Variants in LPA observed in about 807,000 individuals in gnomAD.
The protein encoded by LPA is lipoprotein(a), also known as apolipoprotein(a).
A neutral mutation model predicts 197.9 loss-of-function variants in LPA; 199 were observed. The ratio of observed to expected loss-of-function variants is 1.01; its 90% confidence interval spans 0.90 to 1.13. The LOEUF (loss-of-function observed/expected upper bound fraction) is 1.13. Ranked by LOEUF, LPA falls within the 50% of genes most tolerant of loss-of-function variation. The pLI is 0.00. For missense variants in LPA, 1,853 were observed against 1,785.8 expected (o/e 1.04, Z -0.68); for synonymous variants, 715 against 639.5 (o/e 1.12, Z -1.78).
intron 16 of LPA, among the ~76,000 whole-genome samples, chr6:160,609,780 T>A (rs968952162): frequency 6.6e-6 from 1 of 151,970 alleles, no homozygotes; most frequent in Non-Finnish European, 1.5e-5. Context: ...TGTGTTTGTG[T>A]GTGTGTTAGA....
At chr6:160,621,055 CTTTAA>C (rs1172267413) in intron 12 of LPA, among the ~76,000 whole-genome samples, 7 of 109,138 alleles carry the variant, frequency 6.4e-5, no homozygotes, top group East Asian at 2.7e-4. Context: ...TATACTACCT[CTTTAA>C]TTTAATTTGG....
rs1779803508 is a variant in LPA, at chr6:160,635,647, G to A, written c.894-343C>T. 8.1e-5 allele frequency among the ~76,000 whole-genome samples: 10 copies of A among 123,984 alleles called. 4 individuals are homozygous for A. The highest frequency in any genetic ancestry group is 1.7e-4 in the Non-Finnish European group (10 of 57,846). 81.3% of individuals were successfully genotyped at this position (123,984 alleles called of 152,430 possible). On this transcript the variant is annotated intron_variant, in intron 6 of 38. Transcript: ENST00000316300. ...CCATCTCTCTGGAATAACTGGTATGGGTTTTGACGTCTGTATTGTGGGATT... is the reference window on the plus strand; with the variant it reads ...CCATCTCTCTGGAATAACTGGTATGAGTTTTGACGTCTGTATTGTGGGATT...
chr6:160,570,989 A>G (rs1344097576), intron 28 of LPA, among the ~76,000 whole-genome samples: 3 of 152,152 alleles, frequency 2.0e-5, no homozygotes, highest in Non-Finnish European at 4.4e-5. Context: ...CCATTCTCCC[A>G]TCACTTTCAG....
chr6:160,537,142 G>A (rs1466426058), intron 37 of LPA, among the ~76,000 whole-genome samples: 3 of 152,148 alleles, frequency 2.0e-5, no homozygotes, highest in Non-Finnish European at 2.9e-5. Flanking sequence ...CTGCCAAGGG[G>A]GTAAGGCTGA....
At chr6:160,610,866 T>A (rs1270633363) in intron 16 of LPA, among the ~76,000 whole-genome samples, 1 of 152,190 alleles carries the variant, frequency 6.6e-6, no homozygotes, top group Non-Finnish European at 1.5e-5. Context: ...CTCTACCATC[T>A]GTTGTCCCAC....
intron 8 of LPA, among the ~76,000 whole-genome samples, chr6:160,632,020 G>C (rs1779697303): frequency 6.9e-6 from 1 of 145,734 alleles, no homozygotes. Context: ...GTGTGTGTGT[G>C]TGTAGCTCAT....
chr6:160,655,906 A>C (rs1448017203), intron 1 of LPA, among the ~76,000 whole-genome samples: 1 of 152,178 alleles, frequency 6.6e-6, no homozygotes, highest in East Asian at 1.9e-4. Flanking sequence ...CCCCTGAGGT[A>C]GGGTGGTAAA....
intron 2 of LPA, among the ~76,000 whole-genome samples, chr6:160,648,953 G>A (rs1196309118): frequency 1.3e-5 from 2 of 152,208 alleles, no homozygotes; most frequent in African/African-American, 4.8e-5. Context: ...AGGTTTCTAT[G>A]TGTAGTCAAG....
intron 1 of LPA, among the ~76,000 whole-genome samples, chr6:160,653,408 C>A (rs1406889): frequency 0.81 from 123,389 of 152,030 alleles, 50,910 homozygotes; most frequent in African/African-American, 0.95. Context: ...CCAGCAACCA[C>A]CTTCACCTAA....
At chr6:160,601,187 G>T in intron 18 of LPA, 89 bp from the exon 19 acceptor site, 1 of 1,152,816 alleles carries the variant, frequency 8.7e-7, no homozygotes, top group Non-Finnish European at 1.3e-6. Flanking sequence ...CATTACTGGT[G>T]CCTTTGAAAT....
chr6:160,577,213 G>A lies in LPA; in HGVS notation c.4554C>T (p.Val1518=). 3 of 1,613,820 alleles carry A rather than the reference G, an allele frequency of 1.9e-6. No homozygotes were observed. Among genetic ancestry groups the A allele is most frequent in the Non-Finnish European group, 2.5e-6 (3 of 1,179,832 alleles). Residue 1518 remains valine (V), a synonymous_variant, in exon 28 of 39, where the codon GTC becomes GTT. Coordinates refer to ENST00000316300, the MANE Select transcript of LPA (RefSeq NM_005577.4). The part of the protein sequence containing the change: ...RSYRGISSTT[V]TGRTCQSWSS... ...ACCAAGATTGACAGGTCCTTCCTGT[G>A]ACAGTGGTGGAGGATATGCCTCGAT... is the stretch of plus-strand genomic sequence containing the variant.
chr6:160,553,290 T>C (rs1198247623), intron 30 of LPA, among the ~76,000 whole-genome samples: 1 of 152,210 alleles, frequency 6.6e-6, no homozygotes, highest in Non-Finnish European at 1.5e-5. Flanking sequence ...CATTACTTAG[T>C]ATGGATTAAA....
In LPA at chr6:160,610,915, A is replaced by G. The variant is rs560915420; in HGVS notation, c.2603+647T>C. Among the ~76,000 whole-genome samples the G allele has an allele frequency of 8.5e-5, 13 of 152,250 alleles. No homozygotes were observed. The East Asian group carries it at 2.3e-3, about 27-fold the overall frequency. On this transcript the variant is annotated intron_variant, in intron 16 of 38. Transcript: ENST00000316300. ...TTTTCCATGTCTTTGGTTGTTGATT[A>G]TGGCCAAATGATTGGCCATGGGGTG...
chr6:160,599,364 A>C, intron 20 of LPA, 136 bp downstream of exon 20: 2 of 1,356,022 alleles, frequency 1.5e-6, no homozygotes, highest in Non-Finnish European at 2.1e-6. Context: ...GTCTTCTCTA[A>C]GAACTTTTGC....
At chr6:160,608,761 T>G (rs1383182081) in intron 16 of LPA, among the ~76,000 whole-genome samples, 1 of 152,072 alleles carries the variant, frequency 6.6e-6, no homozygotes, top group Non-Finnish European at 1.5e-5. Flanking sequence ...AATCTTTTCC[T>G]ATTTTGCAAC....
chr6:160,610,337 G>A (rs1582884633), intron 16 of LPA, among the ~76,000 whole-genome samples: 1 of 152,050 alleles, frequency 6.6e-6, no homozygotes, highest in Admixed American at 6.5e-5. Flanking sequence ...GCTGTGCAAG[G>A]GGTTGTCTGC....
At chr6:160,605,283 C>G in intron 17 of LPA, 78 bp from the exon 18 acceptor site, 1 of 1,538,504 alleles carries the variant, frequency 6.5e-7, no homozygotes. Flanking sequence ...TGGCACAAAC[C>G]AGAAAAAAGT....
At chr6:160,654,822 G>A (rs1780103607) in intron 1 of LPA, among the ~76,000 whole-genome samples, 1 of 152,222 alleles carries the variant, frequency 6.6e-6, no homozygotes, top group Admixed American at 6.5e-5. Context: ...CATTTAGAAA[G>A]TGGATATAGT....
intron 22 of LPA, 42 bp from the exon 23 acceptor site, chr6:160,591,143 A>C: frequency 6.2e-7 from 1 of 1,610,402 alleles, no homozygotes; most frequent in Non-Finnish European, 8.5e-7. Flanking sequence ...AGATGGGAGA[A>C]GATACAAGGG....
Sources: allele counts gnomAD v4.1 joint callset (sites outside exome capture counted in the v4.1 genomes callset), GRCh38; gene constraint gnomAD v4.1.1; transcripts MANE v1.5; gene names NCBI Gene and HGNC (gene_info 2026-07-23, HGNC 2026-07-21).